The following IRS1 variants were observed in gnomAD, a reference collection of about 807,000 sequenced individuals.
IRS1 encodes insulin receptor substrate 1.
IRS1 carries 34 observed loss-of-function variants against 65.6 expected under a neutral mutation model. The ratio of observed to expected loss-of-function variants is 0.52; its 90% CI spans 0.39 to 0.69. The LOEUF (loss-of-function observed/expected upper bound fraction) is 0.69, where lower values mean the gene tolerates loss of function less well. Ranked by LOEUF, IRS1 falls within the 30% of genes least tolerant of loss-of-function variation. The probability of loss-of-function intolerance (pLI) is 0.00; values close to 1 mark genes in which losing one functional copy is unlikely to be tolerated. For synonymous variants in IRS1, 699 were observed against 683.5 expected (o/e 1.02, Z -0.35); for missense variants, 1,641 against 1,720.2 (o/e 0.95, Z 0.81).
chr2:226,796,315 G>A lies in IRS1; in HGVS notation c.2424C>T (p.Ser808=), dbSNP rs1336071772. ...CCAGGCTGTCGCTGCTGGTGGAAGA[G>A]GAAGAATCATCTGCTGTTGCAGCAT... is the stretch of plus-strand genomic sequence containing the variant. ...LLYAATADDS[S]SSTSSDSLGG... Residue 808 remains serine (S), a synonymous_variant, in exon 1 of 2, where the codon TCC becomes TCT. Coordinates refer to ENST00000305123, the MANE Select transcript of IRS1 (RefSeq NM_005544.3). The A allele has an allele frequency of 6.2e-7, 1 of 1,613,330 alleles. No homozygotes were observed. The highest frequency in any genetic ancestry group is 1.3e-5 in the African/African-American group (1 of 74,954).
intron 1 of IRS1, among the ~76,000 whole-genome samples, chr2:226,757,739 A>G (rs1938834054): frequency 6.6e-6 from 1 of 152,204 alleles, no homozygotes; most frequent in Non-Finnish European, 1.5e-5. Context: ...CATCTTGTAA[A>G]ATACATTTTG....
chr2:226,792,576 T>C (rs1009452564), intron 1 of IRS1, among the ~76,000 whole-genome samples: 21 of 152,196 alleles, frequency 1.4e-4, no homozygotes, highest in African/African-American at 5.1e-4. Flanking sequence ...GTAGAGCTCC[T>C]GAGCTCAGTG....
intron 1 of IRS1, among the ~76,000 whole-genome samples, chr2:226,738,443 T>G (rs1249116144): frequency 1.3e-5 from 2 of 152,210 alleles, no homozygotes; most frequent in African/African-American, 2.4e-5. Flanking sequence ...TATTTATTTT[T>G]AAATATTAAC....
Position 226,732,119 on chromosome 2 carries a change from G to A in IRS1, c.*4153C>T, listed in dbSNP as rs975073018. 9.2e-5 allele frequency: 14 copies of A among 152,158 alleles called. No homozygotes were observed. The highest frequency in any genetic ancestry group is 2.9e-4 in the African/African-American group (12 of 41,502). The allele number at this position is 152,158 out of a possible 1,614,324, so 9.4% of individuals were successfully genotyped here. On this transcript the variant is annotated 3_prime_UTR_variant, in exon 2 of 2. Transcript: ENST00000305123. ...GCTCTTTATTCATAATTAATTCCTC[G>A]AGTAGGGTTAAGCACCTCCAATATC...
Position 226,795,590 on chromosome 2 carries a change from GC to G in IRS1, c.3148del (p.Ala1050GlnfsTer20). 6.2e-7 allele frequency: 1 copy of G among 1,612,636 alleles called. No homozygotes were observed. Among genetic ancestry groups the G allele is most frequent in the Non-Finnish European group, 8.5e-7 (1 of 1,179,788 alleles). On this transcript the variant is annotated frameshift_variant, in exon 1 of 2. Transcript: ENST00000305123. LOFTEE classifies it high-confidence loss of function. ...GGACGAGTGGGCAGCCAGCTCTGCT[GC>G]CCCTTGAGGCCCAGTCGGGGAAGCA... ...ASASPTGPQG[A>X]AELAAHSSLL... is the part of the protein sequence containing the mutation.
At chr2:226,768,279 C>A (rs1443789842) in intron 1 of IRS1, among the ~76,000 whole-genome samples, 1 of 152,124 alleles carries the variant, frequency 6.6e-6, no homozygotes, top group Non-Finnish European at 1.5e-5. Context: ...TGTTTCTTCC[C>A]TTGGAATAAT....
Position 226,798,155 on chromosome 2 carries a change from A to C in IRS1, c.584T>G (p.Val195Gly). 6.2e-7 allele frequency: 1 copy of C among 1,614,032 alleles called. No individual in the cohort carries two copies. The highest frequency in any genetic ancestry group is 8.5e-7 in the Non-Finnish European group (1 of 1,180,020). ...GGCCGCTGCCTCCGAGTTCAGCTTC[A>C]CGAAGCTGATGGTCTTGCTGGTCAG... ...LCLTSKTISF[V>G]KLNSEAAAVV... is the part of the protein sequence containing the mutation. Residue 195 changes from valine (V) to glycine (G), a missense_variant, in exon 1 of 2, where the codon GTG (valine) becomes GGG (glycine). Physicochemically the swap from Val to Gly is moderately radical, Grantham distance 109 (BLOSUM62 -3). Coordinates refer to ENST00000305123, the MANE Select transcript of IRS1 (RefSeq NM_005544.3). The surrounding 1 kb of genome is among the most constrained non-coding windows in gnomAD (Gnocchi z 9.4).
chr2:226,784,405 T>TA (rs1939447870), intron 1 of IRS1, among the ~76,000 whole-genome samples: 6 of 152,044 alleles, frequency 3.9e-5, no homozygotes, highest in African/African-American at 1.2e-4. Context: ...ATGTTTTTTT[T>TA]TAATTTTTTT....
chr2:226,794,913 G>T lies in IRS1; in HGVS notation c.*21+76C>A, dbSNP rs954486460. Reference sequence around the variant, plus strand: ...AAGCAGTGGGAAAGAACAGGAAGGGGCAGAGGCGAAGAACAGAATTCAAGG... The same window carrying T: ...AAGCAGTGGGAAAGAACAGGAAGGGTCAGAGGCGAAGAACAGAATTCAAGG... On this transcript the variant is annotated intron_variant, in intron 1 of 1. Transcript: ENST00000305123. The surrounding 1 kb of genome is among the most constrained non-coding windows in gnomAD (Gnocchi z 4.1). The T allele has an allele frequency of 1.6e-6, 2 of 1,274,754 alleles. No homozygotes were observed. The highest frequency in any genetic ancestry group is 4.6e-5 in the East Asian group (2 of 43,380). 79.0% of individuals were successfully genotyped at this position (1,274,754 alleles called of 1,614,324 possible).
Position 226,794,961 on chromosome 2 carries a change from C to G in IRS1, c.*21+28G>C. The G allele has an allele frequency of 6.2e-7, 1 of 1,600,598 alleles. No individual in the cohort carries two copies. On this transcript the variant is annotated intron_variant, in intron 1 of 1. Coordinates refer to ENST00000305123, the MANE Select transcript of IRS1 (RefSeq NM_005544.3). The surrounding 1 kb of genome is among the most constrained non-coding windows in gnomAD (Gnocchi z 4.1). ...AGGACAAGGTTAAAAGCAGTTTTGT[C>G]TTCTGACTTTGTCACCATGAAACGC...
chr2:226,757,473 A>G (rs1238780895), intron 1 of IRS1, among the ~76,000 whole-genome samples: 1 of 151,590 alleles, frequency 6.6e-6, no homozygotes, highest in Non-Finnish European at 1.5e-5. Context: ...AAAATTAGCC[A>G]GGCATGGTGG....
intron 1 of IRS1, among the ~76,000 whole-genome samples, chr2:226,777,663 G>A (rs1004095994): frequency 6.6e-6 from 1 of 152,154 alleles, no homozygotes; most frequent in African/African-American, 2.4e-5. Context: ...TCTCATGATA[G>A]TGAATGAGTC....
intron 1 of IRS1, among the ~76,000 whole-genome samples, chr2:226,744,870 T>C (rs563464773): frequency 2.0e-5 from 3 of 152,210 alleles, no homozygotes; most frequent in East Asian, 1.9e-4. Context: ...CCTTTCTGCA[T>C]TGAGGAGAAT....
rs917848426 is a variant in IRS1 at position 226,734,428 on chromosome 2, C to G, written c.*1844G>C. 2 of 152,186 alleles carry G rather than the reference C, an allele frequency of 1.3e-5. No homozygotes were observed. Among genetic ancestry groups the G allele is most frequent in the African/African-American group, 4.8e-5 (2 of 41,448 alleles). The allele number at this position is 152,186 out of a possible 1,614,324, so 9.4% of individuals were successfully genotyped here. ...GGTACATGCCACCTGGCTGAATGAACAGTAACACGGGCCTCAGCAGTGTGA... is the reference window on the plus strand; with the variant it reads ...GGTACATGCCACCTGGCTGAATGAAGAGTAACACGGGCCTCAGCAGTGTGA... On this transcript the variant is annotated 3_prime_UTR_variant, in exon 2 of 2. Transcript: ENST00000305123.
chr2:226,753,675 A>G (rs1219088407), intron 1 of IRS1, among the ~76,000 whole-genome samples: 4 of 152,238 alleles, frequency 2.6e-5, no homozygotes, highest in Non-Finnish European at 5.9e-5. Context: ...ATATAGTCTA[A>G]GGTCCATATG....
rs138341001 is a variant in IRS1, at chr2:226,796,453, G to A, written c.2286C>T (p.Leu762=). ...AGGATCTTGGCAATGAGTAGTAGGA[G>A]AGGACTGGCTTGTGCTGGGGGTCCT... ...GPEDPQHKPV[L]SYYSLPRSFK... is the part of the protein sequence containing the mutation. The change falls in exon 1 of 2, where the codon CTC becomes CTT. Residue 762 remains leucine, a synonymous_variant. Transcript: ENST00000305123. 2.2e-3 allele frequency: 3,477 copies of A among 1,613,870 alleles called. 75 individuals are homozygous for A. Among genetic ancestry groups the A allele is most frequent in the Non-Finnish European group, 2.4e-4 (279 of 1,180,046 alleles).
intron 1 of IRS1, among the ~76,000 whole-genome samples, chr2:226,767,401 A>C (rs1939075637): frequency 6.6e-6 from 1 of 152,232 alleles, no homozygotes; most frequent in African/African-American, 2.4e-5. Context: ...AACTCAAAAT[A>C]CAAAAGAACT....
At chr2:226,745,227 C>T (rs1308091147) in intron 1 of IRS1, among the ~76,000 whole-genome samples, 1 of 152,156 alleles carries the variant, frequency 6.6e-6, no homozygotes, top group African/African-American at 2.4e-5. Flanking sequence ...TATTAATTAG[C>T]TCATGTTAAA....
Position 226,798,124 on chromosome 2 carries a change from C to T in IRS1, c.615G>A (p.Val205=). The change falls in exon 1 of 2, where the codon GTG becomes GTA. Residue 205 remains valine, a synonymous_variant. Coordinates refer to ENST00000305123, the MANE Select transcript of IRS1 (RefSeq NM_005544.3). The surrounding 1 kb of genome is among the most constrained non-coding windows in gnomAD (Gnocchi z 9.4). ...VKLNSEAAAV[V]LQLMNIRRCG... is the part of the protein sequence containing the mutation. ...AGCGCCTGATGTTCATCAGCTGCAG[C>T]ACCACGGCCGCTGCCTCCGAGTTCA... 6.2e-7 allele frequency: 1 copy of T among 1,613,996 alleles called. No homozygotes were observed. The highest frequency in any genetic ancestry group is 8.5e-7 in the Non-Finnish European group (1 of 1,180,022).
Sources: gnomAD v4.1 joint callset for allele counts (sites outside exome capture counted in the v4.1 genomes callset) on GRCh38, gnomAD v4.1.1 for gene constraint, Gnocchi (gnomAD v3.1) non-coding constraint, MANE v1.5 for transcripts, NCBI Gene and HGNC (gene_info 2026-07-23, HGNC 2026-07-21) for gene names.